The following VPS37A variants were observed in gnomAD, a reference collection of about 807,000 sequenced individuals.
VPS37A encodes VPS37A subunit of ESCRT-I.
A neutral mutation model predicts 49.8 loss-of-function variants in VPS37A; 30 were observed. That is an observed-to-expected ratio of 0.60 (90% CI 0.45 to 0.82). The LOEUF is 0.82. VPS37A is among the 40% of genes least tolerant of loss of function. VPS37A has a pLI of 0.00. For synonymous variants in VPS37A, 195 were observed against 160.6 expected, an observed-to-expected ratio of 1.21 and a Z score of -1.62; for missense variants, 593 against 464.4, an observed-to-expected ratio of 1.28 and a Z score of -2.55.
intron 1 of VPS37A, among the ~76,000 whole-genome samples, chr8:17,256,518 A>G (rs1395616555): frequency 1.3e-5 from 2 of 148,296 alleles, no homozygotes; most frequent in African/African-American, 5.0e-5. Flanking sequence ...AGTTGTTTGA[A>G]CTCCTCATGT....
chr8:17,332,559 G>A, the VPS37A span, among the ~76,000 whole-genome samples: 1 of 152,200 alleles, frequency 6.6e-6, no homozygotes, highest in African/African-American at 2.4e-5. Flanking sequence ...GAGCCCATTG[G>A]AAGTTGAAAA....
intron 1 of VPS37A, chr8:17,247,639 T>G (rs1811418023): frequency 1.4e-6 from 1 of 704,282 alleles, no homozygotes; most frequent in Non-Finnish European, 2.6e-6. Flanking sequence ...CTGTAATCTC[T>G]CAATCTCTCT....
chr8:17,311,149 T>C, the VPS37A span, among the ~76,000 whole-genome samples: 1 of 152,176 alleles, frequency 6.6e-6, no homozygotes. Context: ...TCCCAAAATA[T>C]TTTTTCTAAA....
At chr8:17,259,261 T>C (rs115445901) in intron 1 of VPS37A, among the ~76,000 whole-genome samples, 2,107 of 152,284 alleles carry the variant, frequency 0.014, 27 homozygotes, top group African/African-American at 0.028. Context: ...CCATAGATTT[T>C]GGTGTGTTCT....
At chr8:17,288,723 T>C (rs1044831675) in intron 11 of VPS37A, among the ~76,000 whole-genome samples, 6 of 152,346 alleles carry the variant, frequency 3.9e-5, no homozygotes, top group South Asian at 4.1e-4. Flanking sequence ...TATAATACTT[T>C]GGGTATATAC....
intron 1 of VPS37A, among the ~76,000 whole-genome samples, chr8:17,263,497 T>C (rs1031507357): frequency 1.0e-4 from 15 of 147,446 alleles, no homozygotes; most frequent in Non-Finnish European, 1.3e-4. Flanking sequence ...CTTCTGTTAT[T>C]TGTGATACTT....
chr8:17,277,919 T>A (rs1207471996), intron 6 of VPS37A, among the ~76,000 whole-genome samples: 1 of 151,690 alleles, frequency 6.6e-6, no homozygotes, highest in Admixed American at 6.6e-5. Flanking sequence ...TACATATGTG[T>A]ATTTACATAT....
At chr8:17,251,985 T>G (rs1183330754) in intron 1 of VPS37A, among the ~76,000 whole-genome samples, 1 of 152,208 alleles carries the variant, frequency 6.6e-6, no homozygotes, top group Non-Finnish European at 1.5e-5. Context: ...TCCATGCTCT[T>G]GTTTCTATAG....
intron 11 of VPS37A, among the ~76,000 whole-genome samples, chr8:17,290,678 TG>T (rs1178171492): frequency 6.6e-6 from 1 of 152,242 alleles, no homozygotes; most frequent in African/African-American, 2.4e-5. Context: ...GGTATCAGGA[TG>T]ATGCTGGCCT....
At chr8:17,321,865 AT>A in the VPS37A span, among the ~76,000 whole-genome samples, 27 of 152,264 alleles carry the variant, frequency 1.8e-4, no homozygotes, top group Admixed American at 6.5e-5. Context: ...CAGTAAAAAA[AT>A]AAAAAAGCAA....
At chr8:17,332,433 A>G in the VPS37A span, among the ~76,000 whole-genome samples, 73 of 152,322 alleles carry the variant, frequency 4.8e-4, no homozygotes, top group African/African-American at 1.6e-3. Context: ...GGACAATGAC[A>G]GGATACACAA....
chr8:17,319,389 T>G, the VPS37A span, among the ~76,000 whole-genome samples: 1 of 152,210 alleles, frequency 6.6e-6, no homozygotes, highest in African/African-American at 2.4e-5. Flanking sequence ...AGGGGTGTCC[T>G]GGGAGGAAGG....
Position 17,265,653 on chromosome 8 carries a change from G to A in VPS37A, c.126-254G>A. On this transcript the variant is annotated intron_variant, in intron 1 of 11. Coordinates refer to ENST00000324849, the MANE Select transcript of VPS37A (RefSeq NM_152415.3). ...GATAGTAAAACAGTGTAGCATTAAT[G>A]AAGAGTTTTTTCTTGCCTCTTTACA... The A allele has an allele frequency of 3.7e-6, 3 of 811,502 alleles. No homozygotes were observed. In the South Asian group the frequency reaches 4.6e-5, roughly 12 times the overall value. The allele number at this position is 811,502 out of a possible 1,614,324, so 50.3% of individuals were successfully genotyped here.
At position 17,268,370 on chromosome 8, in the gene VPS37A, A is replaced by G; in HGVS notation, c.313A>G (p.Asn105Asp). The G allele has an allele frequency of 1.3e-6, 2 of 1,586,678 alleles. No individual in the cohort carries two copies. Among genetic ancestry groups the G allele is most frequent in the Non-Finnish European group, 1.7e-6 (2 of 1,155,776 alleles). ...GTATGTTACCTCTCCATTAGTAAAC[A>G]ATGTATGTATATGGGATAATTTATT... ...GVYVTSPLVN[N>D]FTMHSDLGKI... Residue 105 changes from asparagine to aspartate, a missense_variant and splice_region_variant, in exon 3 of 12, where the codon AAT (asparagine) becomes GAT (aspartate). Physicochemically the swap from Asn to Asp is conservative, Grantham distance 23 (BLOSUM62 1). Transcript: ENST00000324849.
rs780321420 is a variant in VPS37A, at chr8:17,279,139, CAG to C, written c.714-886_714-885del. Among the ~76,000 whole-genome samples the C allele has an allele frequency of 1.4e-4, 21 of 152,200 alleles. No homozygotes were observed. In the South Asian group the frequency reaches 2.7e-3, roughly 20 times the overall value. On this transcript the variant is annotated intron_variant, in intron 6 of 11. Transcript: ENST00000324849. ...CACACATCTGTAAGCTAAATAGTCACAGAGGTTAAAACGGAGTTGTTGTGACT... is the reference window on the plus strand; with the variant it reads ...CACACATCTGTAAGCTAAATAGTCACAGGTTAAAACGGAGTTGTTGTGACT...
chr8:17,262,801 G>T (rs1346315817), intron 1 of VPS37A, among the ~76,000 whole-genome samples: 1 of 152,020 alleles, frequency 6.6e-6, no homozygotes, highest in South Asian at 2.1e-4. Flanking sequence ...GGTGACTCAC[G>T]CCTGTAATCC....
chr8:17,247,082 T>G lies in VPS37A; in HGVS notation c.-163T>G. The G allele has an allele frequency of 5.5e-6, 5 of 913,430 alleles. No individual in the cohort carries two copies. Among genetic ancestry groups the G allele is most frequent in the Non-Finnish European group, 1.6e-6 (1 of 617,436 alleles). The allele number at this position is 913,430 out of a possible 1,614,324, so 56.6% of individuals were successfully genotyped here. A position where few individuals can be genotyped will look rare whatever the true frequency, so the allele number is the denominator to read the frequency against. On this transcript the variant is annotated 5_prime_UTR_variant, in exon 1 of 12. Coordinates refer to ENST00000324849, the MANE Select transcript of VPS37A (RefSeq NM_152415.3). ...CCGTTCGTAGCATGTCCCCCAGAAC[T>G]CGGGGAGCGCAGGCAGGACAGGCTT...
At chr8:17,294,127 CCTTT>C (rs1020769813) in intron 11 of VPS37A, among the ~76,000 whole-genome samples, 5 of 152,212 alleles carry the variant, frequency 3.3e-5, no homozygotes, top group African/African-American at 1.2e-4. Flanking sequence ...GGGGCCTCTG[CCTTT>C]CTTTCAGAGA....
chr8:17,315,066 C>G, the VPS37A span, among the ~76,000 whole-genome samples: 1 of 152,172 alleles, frequency 6.6e-6, no homozygotes, highest in African/African-American at 2.4e-5. Context: ...GCTGAGAGTT[C>G]CCAAGCTTAC....
Sources: allele counts gnomAD v4.1 joint callset (sites outside exome capture counted in the v4.1 genomes callset), GRCh38; gene constraint gnomAD v4.1.1; transcripts MANE v1.5; gene names NCBI Gene and HGNC (gene_info 2026-07-23, HGNC 2026-07-21).